Variants in SLC22A23 observed in about 807,000 individuals in gnomAD.
SLC22A23 encodes solute carrier family 22 member 23.
SLC22A23 carries 26 observed loss-of-function variants against 61.0 expected under a neutral mutation model. The ratio of observed to expected loss-of-function variants is 0.43; its 90% CI spans 0.31 to 0.59. The LOEUF (loss-of-function observed/expected upper bound fraction) is 0.59, where lower values mean the gene tolerates loss of function less well. Ranked by LOEUF, SLC22A23 falls within the 20% of genes least tolerant of loss-of-function variation. SLC22A23 has a pLI of 0.11. For synonymous variants in SLC22A23, 430 were observed against 413.9 expected, an observed-to-expected ratio of 1.04 and a Z score of -0.47; for missense variants, 796 against 934.7, an observed-to-expected ratio of 0.85 and a Z score of 1.94.
Position 3,300,085 on chromosome 6 carries a change from A to C in SLC22A23, c.1083-1867T>G, listed in dbSNP as rs1761483979. ...GAGTGCAGTGGTGTGATCTCAGCTC[A>C]CTGCAACCTCCACCTGCTGGGTTCA... On this transcript the variant is annotated intron_variant, in intron 4 of 9. Coordinates refer to ENST00000406686, the MANE Select transcript of SLC22A23 (RefSeq NM_015482.2). Among the ~76,000 whole-genome samples the C allele has an allele frequency of 2.2e-5, 3 of 135,886 alleles. No individual in the cohort carries two copies. In the South Asian group the frequency reaches 6.8e-4, roughly 31 times the overall value. The allele number at this position is 135,886 out of a possible 152,430, so 89.1% of individuals were successfully genotyped here.
chr6:3,401,512 G>T (rs190631318), intron 3 of SLC22A23, among the ~76,000 whole-genome samples: 116 of 152,286 alleles, frequency 7.6e-4, no homozygotes, highest in Non-Finnish European at 1.1e-3. Context: ...ACCTATGCTC[G>T]AAATAATTCA....
At chr6:3,401,763 T>C (rs1768407795) in intron 3 of SLC22A23, among the ~76,000 whole-genome samples, 1 of 152,210 alleles carries the variant, frequency 6.6e-6, no homozygotes. Flanking sequence ...GTTGCTCAGC[T>C]ACAGAGCCCC....
intron 1 of SLC22A23, among the ~76,000 whole-genome samples, chr6:3,423,024 T>C (rs559856694): frequency 6.6e-6 from 1 of 151,670 alleles, no homozygotes; most frequent in South Asian, 2.1e-4. Flanking sequence ...ATTCGAACCC[T>C]TAAGCAACAA....
At chr6:3,298,501 G>C (rs1328566525) in intron 4 of SLC22A23, among the ~76,000 whole-genome samples, 2 of 152,020 alleles carry the variant, frequency 1.3e-5, no homozygotes, top group African/African-American at 4.8e-5. Flanking sequence ...GAAGTAAAAA[G>C]AAGAACAGAG....
intron 3 of SLC22A23, among the ~76,000 whole-genome samples, chr6:3,334,784 T>A (rs1763761083): frequency 6.6e-6 from 1 of 152,180 alleles, no homozygotes; most frequent in Non-Finnish European, 1.5e-5. Flanking sequence ...ACTGTCTAGG[T>A]CACACAGAAC....
At chr6:3,418,782 A>AGGGTTACTC (rs1319631281) in intron 1 of SLC22A23, among the ~76,000 whole-genome samples, 1 of 152,206 alleles carries the variant, frequency 6.6e-6, no homozygotes, top group Non-Finnish European at 1.5e-5. Context: ...TACCATGATA[A>AGGGTTACTC]GGGTTACTCA....
rs200011775 is a variant in SLC22A23 at position 3,273,381 on chromosome 6, C to T, written c.1735G>A (p.Ala579Thr). The change falls in exon 10 of 10, where the codon GCG (alanine) becomes ACG (threonine). Residue 579 changes from alanine (A) to threonine (T), a missense_variant. Coordinates refer to ENST00000406686, the MANE Select transcript of SLC22A23 (RefSeq NM_015482.2). The stretch of plus-strand genomic sequence containing the variant: ...GGTGCCGTCAGCATGCCGAAGCCCG[C>T]GCTGGCCAGCACCAGCCCCAGCCCG... ...CGGLGLVLAS[A>T]GFGMLTAPII... The T allele has an allele frequency of 3.1e-6, 5 of 1,612,566 alleles. No individual in the cohort carries two copies. The highest frequency in any genetic ancestry group is 1.7e-5 in the Admixed American group (1 of 60,032).
intron 1 of SLC22A23, among the ~76,000 whole-genome samples, chr6:3,445,754 C>T (rs902706549): frequency 3.3e-5 from 5 of 152,044 alleles, no homozygotes; most frequent in African/African-American, 1.2e-4. Context: ...ATGAGCAAGG[C>T]ACAAGGCAGT....
intron 3 of SLC22A23, among the ~76,000 whole-genome samples, chr6:3,357,256 C>T (rs1470581264): frequency 6.6e-6 from 1 of 152,164 alleles, no homozygotes; most frequent in Non-Finnish European, 1.5e-5. Context: ...CACTGTAAAA[C>T]TCCCAGTGCA....
chr6:3,323,670 G>T, intron 4 of SLC22A23, 164 bp downstream of exon 4: 1 of 805,098 alleles, frequency 1.2e-6, no homozygotes. Flanking sequence ...AAGACAGAAA[G>T]TTTAAACAAT....
intron 4 of SLC22A23, among the ~76,000 whole-genome samples, chr6:3,305,499 C>T (rs1456008776): frequency 2.0e-5 from 3 of 152,218 alleles, no homozygotes; most frequent in Admixed American, 1.3e-4. Context: ...ATGAAGAATT[C>T]GTTGGCCTGT....
At chr6:3,335,855 C>T (rs527664888) in intron 3 of SLC22A23, among the ~76,000 whole-genome samples, 85 of 152,268 alleles carry the variant, frequency 5.6e-4, no homozygotes, top group Non-Finnish European at 1.3e-4. Context: ...TTTGGGAGGC[C>T]GAGGCGGGCG....
At chr6:3,449,903 G>A (rs933140527) in intron 1 of SLC22A23, among the ~76,000 whole-genome samples, 12 of 152,118 alleles carry the variant, frequency 7.9e-5, no homozygotes, top group Non-Finnish European at 1.3e-4. Flanking sequence ...ATGCTTCCTC[G>A]GTAAGTGATT....
intron 3 of SLC22A23, among the ~76,000 whole-genome samples, chr6:3,385,346 C>G (rs1262129581): frequency 6.6e-6 from 1 of 152,000 alleles, no homozygotes; most frequent in Non-Finnish European, 1.5e-5. Flanking sequence ...AATCCTGTCT[C>G]TACTAAAAAT....
At chr6:3,315,805 A>G (rs1452038401) in intron 4 of SLC22A23, among the ~76,000 whole-genome samples, 1 of 152,054 alleles carries the variant, frequency 6.6e-6, no homozygotes, top group Non-Finnish European at 1.5e-5. Context: ...CAGAGCTTGC[A>G]GTGAGCTGAG....
intron 2 of SLC22A23, 95 bp downstream of exon 2, chr6:3,415,657 C>G: frequency 1.2e-6 from 1 of 852,724 alleles, no homozygotes. Context: ...TGGGAAAAGA[C>G]AGTCATGGTA....
At chr6:3,415,220 G>A (rs776104990) in intron 2 of SLC22A23, among the ~76,000 whole-genome samples, 10 of 152,064 alleles carry the variant, frequency 6.6e-5, no homozygotes, top group African/African-American at 1.9e-4. Flanking sequence ...CTGTATTACC[G>A]AAATGCTCTT....
Position 3,390,688 on chromosome 6 carries a change from C to T in SLC22A23, c.913+19500G>A, listed in dbSNP as rs757969667. 9.6e-4 allele frequency among the ~76,000 whole-genome samples: 146 copies of T among 152,346 alleles called. No homozygotes were observed. Among genetic ancestry groups the T allele is most frequent in the Non-Finnish European group, 1.6e-3 (107 of 68,032 alleles). On this transcript the variant is annotated intron_variant, in intron 3 of 9. Coordinates refer to ENST00000406686, the MANE Select transcript of SLC22A23 (RefSeq NM_015482.2). This position sits in a 1 kb window ranked among gnomAD's most constrained non-coding sequence, Gnocchi z 4.0. ...AGTTCAATGCACCAAAAGCTGGCTGCCACTCAGCATCTCTGAGCCTGGTAT... is the reference window on the plus strand; with the variant it reads ...AGTTCAATGCACCAAAAGCTGGCTGTCACTCAGCATCTCTGAGCCTGGTAT...
rs12528617 is a variant in SLC22A23 at position 3,399,901 on chromosome 6, G to A, written c.913+10287C>T. Among the ~76,000 whole-genome samples, 1,416 of 152,118 alleles carry A rather than the reference G, an allele frequency of 9.3e-3. 65 individuals carry two copies. The highest frequency in any genetic ancestry group is 0.071 in the Admixed American group (1,090 of 15,294). The stretch of plus-strand genomic sequence containing the variant: ...ATGATTGCATTTATTTTTTTGAGAC[G>A]GAGTTTTGCTCTTGTTGCCCAGGCT... On this transcript the variant is annotated intron_variant, in intron 3 of 9. Transcript: ENST00000406686.
Sources: allele counts gnomAD v4.1 joint callset (sites outside exome capture counted in the v4.1 genomes callset), GRCh38; gene constraint gnomAD v4.1.1; non-coding constraint Gnocchi (gnomAD v3.1); transcripts MANE v1.5; gene names NCBI Gene and HGNC (gene_info 2026-07-23, HGNC 2026-07-21).